Variants in PDGFRL observed in about 807,000 individuals in gnomAD.
PDGFRL encodes the protein platelet-derived growth factor receptor-like protein.
PDGFRL carries 46 observed loss-of-function variants against 37.2 expected under a neutral mutation model. The observed-to-expected ratio is 1.24, with a 90% CI of 0.98 to 1.58. The LOEUF (loss-of-function observed/expected upper bound fraction) is 1.58. PDGFRL is among the 40% of genes most tolerant of loss of function. The pLI, the probability that PDGFRL is intolerant of heterozygous loss-of-function variation, is 0.00. For synonymous variants in PDGFRL, 251 were observed against 184.3 expected, an observed-to-expected ratio of 1.36 and a Z score of -2.93; for missense variants, 692 against 467.6, an observed-to-expected ratio of 1.48 and a Z score of -4.43.
At chr8:17,593,892 A>AC (rs1302431830) in intron 2 of PDGFRL, among the ~76,000 whole-genome samples, 1 of 151,380 alleles carries the variant, frequency 6.6e-6, no homozygotes, top group Non-Finnish European at 1.5e-5. Context: ...CCATCTCAAA[A>AC]AAAAAAAAGA....
intron 2 of PDGFRL, among the ~76,000 whole-genome samples, chr8:17,598,820 C>A (rs2299570): frequency 0.047 from 7,116 of 152,204 alleles, 288 homozygotes; most frequent in East Asian, 0.12. Flanking sequence ...GTAGTTAATA[C>A]GTCTCACGAG....
chr8:17,642,814 A>C lies in PDGFRL; in HGVS notation c.*13A>C. 4 of 1,560,390 alleles carry C rather than the reference A, an allele frequency of 2.6e-6. No individual in the cohort carries two copies. In the Admixed American group the frequency reaches 6.8e-5, roughly 26 times the overall value. On this transcript the variant is annotated 3_prime_UTR_variant, in exon 6 of 6. Transcript: ENST00000251630. ...TGAGTTTTCCTGACTTGGAAAAGGA[A>C]ATGTAATGAACTTATGGAAAGCCCA...
intron 2 of PDGFRL, among the ~76,000 whole-genome samples, chr8:17,593,453 C>A (rs1168356807): frequency 2.7e-5 from 4 of 147,284 alleles, no homozygotes; most frequent in Non-Finnish European, 4.5e-5. Context: ...AAAAATTTAA[C>A]CTGGCTTTGT....
chr8:17,633,820 C>G (rs1244609416), intron 4 of PDGFRL, among the ~76,000 whole-genome samples: 3 of 152,176 alleles, frequency 2.0e-5, no homozygotes, highest in Non-Finnish European at 4.4e-5. Flanking sequence ...TCTGAGCTTC[C>G]TCTCCTAATC....
intron 2 of PDGFRL, 37 bp from the exon 3 acceptor site, chr8:17,621,014 C>T (rs772117726): frequency 1.3e-6 from 2 of 1,545,826 alleles, no homozygotes; most frequent in Non-Finnish European, 1.8e-6. Context: ...CCAGCCAGGT[C>T]TGACTTGCTT....
At chr8:17,596,601 A>T (rs569671798) in intron 2 of PDGFRL, among the ~76,000 whole-genome samples, 3 of 152,234 alleles carry the variant, frequency 2.0e-5, no homozygotes, top group Non-Finnish European at 4.4e-5. Context: ...ATTTGAAAAC[A>T]TTTTAAAGAC....
At chr8:17,593,509 G>T (rs1351180957) in intron 2 of PDGFRL, among the ~76,000 whole-genome samples, 1 of 151,370 alleles carries the variant, frequency 6.6e-6, no homozygotes, top group Non-Finnish European at 1.5e-5. Flanking sequence ...AAGAGGGTGG[G>T]ATCACCTGAG....
chr8:17,615,085 C>T (rs1462800827), intron 2 of PDGFRL, among the ~76,000 whole-genome samples: 2 of 152,212 alleles, frequency 1.3e-5, no homozygotes, highest in Non-Finnish European at 2.9e-5. Context: ...TGTTATAAGT[C>T]TCATCATTGC....
chr8:17,621,769 C>G (rs1804639876), intron 3 of PDGFRL, among the ~76,000 whole-genome samples: 1 of 152,132 alleles, frequency 6.6e-6, no homozygotes, highest in African/African-American at 2.4e-5. Flanking sequence ...GAACCTATGA[C>G]CATCTTCTTT....
chr8:17,588,734 T>C (rs1285137655), intron 1 of PDGFRL, among the ~76,000 whole-genome samples: 1 of 152,202 alleles, frequency 6.6e-6, no homozygotes, highest in Non-Finnish European at 1.5e-5. Flanking sequence ...CCAGTCTCTG[T>C]GGAGCTACAG....
intron 2 of PDGFRL, among the ~76,000 whole-genome samples, chr8:17,602,366 G>C (rs759776750): frequency 6.6e-6 from 1 of 152,184 alleles, no homozygotes; most frequent in Non-Finnish European, 1.5e-5. Context: ...CCTAGTTCCT[G>C]AGGCAGAGCG....
intron 4 of PDGFRL, among the ~76,000 whole-genome samples, chr8:17,630,900 T>C (rs1036626042): frequency 6.6e-6 from 1 of 152,078 alleles, no homozygotes; most frequent in Non-Finnish European, 1.5e-5. Flanking sequence ...TGCCTCTGCT[T>C]GTATGAACTT....
chr8:17,625,392 C>T lies in PDGFRL; in HGVS notation c.506-3095C>T, dbSNP rs201428158. The stretch of plus-strand genomic sequence containing the variant: ...GTCTCGGTCTCCTGACCTCATGATC[C>T]GCCTGCCTTGGCCTCCCAAAGTGCC... On this transcript the variant is annotated intron_variant, in intron 3 of 5. Transcript: ENST00000251630. Among the ~76,000 whole-genome samples the T allele has an allele frequency of 5.3e-5, 8 of 152,122 alleles. No individual in the cohort carries two copies. In the East Asian group the frequency reaches 9.7e-4, roughly 18 times the overall value.
chr8:17,588,854 G>A (rs1400513654), intron 1 of PDGFRL, among the ~76,000 whole-genome samples: 1 of 152,100 alleles, frequency 6.6e-6, no homozygotes, highest in Non-Finnish European at 1.5e-5. Context: ...GTGACTGCTT[G>A]GAGACTATGA....
intron 2 of PDGFRL, among the ~76,000 whole-genome samples, chr8:17,620,809 T>G (rs1804614761): frequency 6.6e-6 from 1 of 152,196 alleles, no homozygotes; most frequent in Non-Finnish European, 1.5e-5. Flanking sequence ...GAATGAACTT[T>G]AAAAGGTAAA....
rs557130876 is a variant in PDGFRL, at chr8:17,610,556, G to C, written c.354-10495G>C. Among the ~76,000 whole-genome samples, 6 of 152,278 alleles carry C rather than the reference G, an allele frequency of 3.9e-5. No homozygotes were observed. The South Asian group carries it at 1.2e-3, about 32-fold the overall frequency. On this transcript the variant is annotated intron_variant, in intron 2 of 5. Transcript: ENST00000251630. ...ATAAGGGATTCTCAACCTGTAGTGT[G>C]AGTAACCCATATACATCTGAGTTAT...
intron 5 of PDGFRL, among the ~76,000 whole-genome samples, chr8:17,640,584 C>A (rs1585340786): frequency 6.6e-6 from 1 of 152,146 alleles, no homozygotes; most frequent in African/African-American, 2.4e-5. Context: ...TTACTGGGCT[C>A]TGGGCTGGTA....
chr8:17,631,721 C>A (rs1355692657), intron 4 of PDGFRL, among the ~76,000 whole-genome samples: 1 of 152,228 alleles, frequency 6.6e-6, no homozygotes, highest in Non-Finnish European at 1.5e-5. Flanking sequence ...AAGTCTGTCC[C>A]TGTCCTCCTG....
At chr8:17,580,977 C>T (rs919951057) in intron 1 of PDGFRL, among the ~76,000 whole-genome samples, 1 of 149,606 alleles carries the variant, frequency 6.7e-6, no homozygotes, top group Non-Finnish European at 1.5e-5. Flanking sequence ...GTGTGTGTCT[C>T]CTCATAAGAA....
Sources: gnomAD v4.1 joint callset for allele counts (sites outside exome capture counted in the v4.1 genomes callset) on GRCh38, gnomAD v4.1.1 for gene constraint, MANE v1.5 for transcripts, NCBI Gene and HGNC (gene_info 2026-07-23, HGNC 2026-07-21) for gene names.